MMUT: variants seen among roughly 807,000 people sequenced by gnomAD.
The protein encoded by MMUT is methylmalonyl-CoA mutase.
Under a neutral mutation model 79.9 loss-of-function variants are expected in MMUT, and 79 were observed. That is an observed-to-expected ratio of 0.99 (90% CI 0.82 to 1.19). MMUT has a LOEUF of 1.19. Ranked by LOEUF, MMUT falls within the 50% of genes most tolerant of loss-of-function variation. The pLI, the probability that MMUT is intolerant of heterozygous loss-of-function variation, is 0.00. For synonymous variants in MMUT, 273 were observed against 295.7 expected, an observed-to-expected ratio of 0.92 and a Z score of 0.79; for missense variants, 860 against 917.2, an observed-to-expected ratio of 0.94 and a Z score of 0.81.
intron 4 of MMUT, 115 bp downstream of exon 4, chr6:49,455,965 T>C (rs1767675657): frequency 4.2e-6 from 4 of 944,488 alleles, no homozygotes; most frequent in Non-Finnish European, 3.2e-6. Flanking sequence ...AGATAAAATA[T>C]AAGAAAATCT....
Position 49,453,598 on chromosome 6 carries a change from G to A in MMUT, c.1070C>T (p.Ser357Leu). ...LRAHCQTSGW[S>L]LTEQDPYNNI... is the part of the protein sequence containing the mutation. ...TTATATACATACCTGCTCAGTAAGTGACCATCCAGATGTCTGACAGTGTGC... is the reference window on the plus strand; with the variant it reads ...TTATATACATACCTGCTCAGTAAGTAACCATCCAGATGTCTGACAGTGTGC... Residue 357 changes from serine (S) to leucine (L), a missense_variant, in exon 5 of 13, where the codon TCA (serine) becomes TTA (leucine). Physicochemically the swap from Ser to Leu is moderately radical, Grantham distance 145. Coordinates refer to ENST00000274813, the MANE Select transcript of MMUT (RefSeq NM_000255.4). 1 of 1,608,240 alleles carries A rather than the reference G, an allele frequency of 6.2e-7. No homozygotes were observed. Among genetic ancestry groups the A allele is most frequent in the Non-Finnish European group, 8.5e-7 (1 of 1,175,754 alleles).
Position 49,438,869 on chromosome 6 carries a change from C to T in MMUT, c.1956+1337G>A, listed in dbSNP as rs185550920. 1.3e-4 allele frequency among the ~76,000 whole-genome samples: 20 copies of T among 152,276 alleles called. No individual in the cohort carries two copies. The East Asian group carries it at 3.1e-3, about 24-fold the overall frequency. On this transcript the variant is annotated intron_variant, in intron 11 of 12. Coordinates refer to ENST00000274813, the MANE Select transcript of MMUT (RefSeq NM_000255.4). ...CTACATCTTTCTCCCGTGGTGGATG[C>T]TTCCTGCCCTTGAACATTGGACTCC...
intron 11 of MMUT, 27 bp from the exon 12 acceptor site, chr6:49,435,650 T>C: frequency 1.2e-6 from 2 of 1,603,344 alleles, no homozygotes; most frequent in Non-Finnish European, 1.7e-6. Context: ...TAAAGATAAA[T>C]CATTGTTTAT....
chr6:49,455,592 G>A lies in MMUT; in HGVS notation c.911+488C>T, dbSNP rs545198284. ...CTGATTGAACCACCGAATGACTTTCGACTTCCAAATTTAAATATTTCATAA... is the reference window on the plus strand; with the variant it reads ...CTGATTGAACCACCGAATGACTTTCAACTTCCAAATTTAAATATTTCATAA... On this transcript the variant is annotated intron_variant, in intron 4 of 12. Coordinates refer to ENST00000274813, the MANE Select transcript of MMUT (RefSeq NM_000255.4). Among the ~76,000 whole-genome samples, 5 of 152,200 alleles carry A rather than the reference G, an allele frequency of 3.3e-5. No individual in the cohort carries two copies. In the East Asian group the frequency reaches 7.7e-4, roughly 24 times the overall value.
At chr6:49,436,658 A>G (rs772114015) in intron 11 of MMUT, among the ~76,000 whole-genome samples, 4 of 151,956 alleles carry the variant, frequency 2.6e-5, no homozygotes, top group Non-Finnish European at 4.4e-5. Context: ...AGCACTATTC[A>G]CCACAGCAAA....
At chr6:49,432,448 C>T (rs1029487941) in intron 12 of MMUT, among the ~76,000 whole-genome samples, 1 of 151,800 alleles carries the variant, frequency 6.6e-6, no homozygotes, top group Admixed American at 6.6e-5. Context: ...AGTGCAGTGG[C>T]GCTATCTCGG....
chr6:49,450,720 A>T (rs1767531185), intron 6 of MMUT, among the ~76,000 whole-genome samples: 1 of 152,206 alleles, frequency 6.6e-6, no homozygotes, highest in Non-Finnish European at 1.5e-5. Context: ...CAAATAATTT[A>T]TCTCCCATGC....
At chr6:49,436,773 G>T (rs569391417) in intron 11 of MMUT, among the ~76,000 whole-genome samples, 1 of 152,016 alleles carries the variant, frequency 6.6e-6, no homozygotes, top group African/African-American at 2.4e-5. Context: ...GAATGAGATC[G>T]TGTCCTTTGC....
rs533755473 is a variant in MMUT, at chr6:49,451,521, C to G, written c.1277G>C (p.Gly426Ala). The G allele has an allele frequency of 3.7e-6, 6 of 1,614,076 alleles. No individual in the cohort carries two copies. The South Asian group carries it at 6.6e-5, about 18-fold the overall frequency. Residue 426 changes from glycine to alanine, a missense_variant, in exon 6 of 13, where the codon GGA becomes GCA. Transcript: ENST00000274813. ...SGIPKVADPW[G>A]GSYMMECLTN... ...GAGACATTCCATCATGTAAGAACCT[C>G]CCCAAGGATCAGCCACTTTGGGAAT...
chr6:49,452,248 G>C (rs537635639), intron 5 of MMUT, among the ~76,000 whole-genome samples: 1 of 152,088 alleles, frequency 6.6e-6, no homozygotes, highest in South Asian at 2.1e-4. Flanking sequence ...AAAATAAGCA[G>C]GTTAAAATAA....
rs766951951 is a variant in MMUT at position 49,457,912 on chromosome 6, G to A, written c.532C>T (p.Pro178Ser). 2 of 1,613,596 alleles carry A rather than the reference G, an allele frequency of 1.2e-6. No individual in the cohort carries two copies. Among genetic ancestry groups the A allele is most frequent in the South Asian group, 2.2e-5 (2 of 91,034 alleles). The part of the protein sequence containing the change: ...EDTKILFDGI[P>S]LEKMSVSMTM... ...ATGGAAACTGACATTTTTTCTAAAG[G>A]AATTCCATCAAAAAGAATTTTGGTA... The change falls in exon 3 of 13, where the codon CCT becomes TCT. Residue 178 changes from proline to serine, a missense_variant. Pro to Ser is a moderately conservative substitution (Grantham distance 74). Coordinates refer to ENST00000274813, the MANE Select transcript of MMUT (RefSeq NM_000255.4).
At chr6:49,461,510 T>G (rs935440992) in intron 1 of MMUT, among the ~76,000 whole-genome samples, 1 of 152,016 alleles carries the variant, frequency 6.6e-6, no homozygotes, top group Non-Finnish European at 1.5e-5. Flanking sequence ...GGTTCACGCC[T>G]GGAATCCCAG....
intron 9 of MMUT, among the ~76,000 whole-genome samples, chr6:49,442,662 A>T (rs528270493): frequency 7.9e-5 from 12 of 152,256 alleles, no homozygotes; most frequent in Non-Finnish European, 1.2e-4. Context: ...TTGAACTAAG[A>T]TATAAATTAT....
At chr6:49,447,826 ACC>A in intron 7 of MMUT, 41 bp from the exon 8 acceptor site, 2 of 1,091,100 alleles carry the variant, frequency 1.8e-6, no homozygotes, top group Middle Eastern at 2.1e-4. Flanking sequence ...ACAAATAATT[ACC>A]TAATTGTAAT....
At chr6:49,462,021 A>C (rs1767863061) in intron 1 of MMUT, among the ~76,000 whole-genome samples, 1 of 152,220 alleles carries the variant, frequency 6.6e-6, no homozygotes, top group Non-Finnish European at 1.5e-5. Flanking sequence ...GCTTTCCTAA[A>C]TCTGAACAAC....
intron 11 of MMUT, 72 bp from the exon 12 acceptor site, chr6:49,435,695 A>T: frequency 5.5e-6 from 8 of 1,467,724 alleles, no homozygotes; most frequent in Non-Finnish European, 7.5e-6. Context: ...CTGGAAGACA[A>T]TCTAGGCAAT....
At chr6:49,433,221 GGAGATGTCAGATTAATA>G (rs1426132799) in intron 12 of MMUT, among the ~76,000 whole-genome samples, 18 of 152,110 alleles carry the variant, frequency 1.2e-4, no homozygotes, top group African/African-American at 4.3e-4. Flanking sequence ...TCTCTAAATT[GGAGATGTCAGATTAATA>G]GGTCTTGTAC....
At chr6:49,462,486 G>C (rs1313640349) in intron 1 of MMUT, among the ~76,000 whole-genome samples, 2 of 152,106 alleles carry the variant, frequency 1.3e-5, no homozygotes, top group African/African-American at 4.8e-5. Flanking sequence ...ATCATCAAGT[G>C]GTTTAAAACT....
intron 11 of MMUT, among the ~76,000 whole-genome samples, chr6:49,438,695 C>CAAAGGAGATTAACATTTGAAT (rs1767196346): frequency 1.3e-5 from 2 of 151,980 alleles, no homozygotes; most frequent in Non-Finnish European, 1.5e-5. Flanking sequence ...AGGGTGTTGT[C>CAAAGGAGATTAACATTTGAAT]AAAGGAGATT....
Sources: allele counts gnomAD v4.1 joint callset (sites outside exome capture counted in the v4.1 genomes callset), GRCh38; gene constraint gnomAD v4.1.1; transcripts MANE v1.5; gene names NCBI Gene and HGNC (gene_info 2026-07-23, HGNC 2026-07-21).